COL16A1: variants seen among roughly 807,000 people sequenced by gnomAD.
COL16A1 encodes collagen type XVI alpha 1 chain, also known as collagen alpha-1(XVI) chain.
A neutral mutation model predicts 266.3 loss-of-function variants in COL16A1; 189 were observed. The observed-to-expected ratio is 0.71, with a 90% confidence interval of 0.63 to 0.80. COL16A1 has a LOEUF of 0.80. Ranked by LOEUF, COL16A1 falls within the 30% of genes least tolerant of loss-of-function variation. The pLI is 0.00. For missense variants in COL16A1, 1,928 were observed against 2,122.4 expected (o/e 0.91, Z 1.80); for synonymous variants, 740 against 782.3 (o/e 0.95, Z 0.90).
chr1:31,661,358 G>C (rs367996656), intron 60 of COL16A1, 56 bp downstream of exon 60: 359 of 1,612,910 alleles, frequency 2.2e-4, no homozygotes, highest in Non-Finnish European at 3.0e-4. Flanking sequence ...TATGCCTGGG[G>C]GCAAGCCTTC....
intron 20 of COL16A1, among the ~76,000 whole-genome samples, chr1:31,690,932 T>C (rs1644233379): frequency 6.6e-6 from 1 of 152,176 alleles, no homozygotes; most frequent in Admixed American, 6.5e-5. Flanking sequence ...ACTTTGATCT[T>C]TACAACACTT....
chr1:31,680,160 G>C (rs1643521518), intron 39 of COL16A1, 59 bp from the exon 40 acceptor site: 2 of 1,580,806 alleles, frequency 1.3e-6, no homozygotes, highest in Non-Finnish European at 8.6e-7. Flanking sequence ...TCTTGAAATG[G>C]ACATCCGAGA....
At chr1:31,661,762 C>G in intron 58 of COL16A1, 58 bp from the exon 59 acceptor site, 1 of 1,548,422 alleles carries the variant, frequency 6.5e-7, no homozygotes, top group Non-Finnish European at 8.8e-7. Flanking sequence ...GTATCCAACT[C>G]ATACCTCTGT....
In COL16A1 at chr1:31,667,563, G is replaced by T; in HGVS notation, c.3357+12C>A. ...GCAGCCCTGCATCCAGCCCCACGCC[G>T]CTGGGACTCACCGGCTCTCCTTTCT... On this transcript the variant is annotated intron_variant, in intron 52 of 70. Coordinates refer to ENST00000373672, the MANE Select transcript of COL16A1 (RefSeq NM_001856.4). 3 of 1,587,932 alleles carry T rather than the reference G, an allele frequency of 1.9e-6. No homozygotes were observed. Among genetic ancestry groups the T allele is most frequent in the Non-Finnish European group, 2.6e-6 (3 of 1,167,776 alleles).
intron 26 of COL16A1, among the ~76,000 whole-genome samples, chr1:31,687,659 G>A (rs977356763): frequency 2.0e-5 from 3 of 151,876 alleles, no homozygotes; most frequent in Non-Finnish European, 4.4e-5. Context: ...TGAAGGATCT[G>A]AGGACGACCG....
chr1:31,655,519 T>A lies in COL16A1; in HGVS notation c.4102-17A>T, dbSNP rs373397374. The stretch of plus-strand genomic sequence containing the variant: ...TGGATCACCCTACAAAGATAGATAC[T>A]TAGTGCTGTCAAATTTACATCATGA... On this transcript the variant is annotated splice_polypyrimidine_tract_variant and intron_variant, in intron 66 of 70. Coordinates refer to ENST00000373672, the MANE Select transcript of COL16A1 (RefSeq NM_001856.4). 4 of 1,611,926 alleles carry A rather than the reference T, an allele frequency of 2.5e-6. No individual in the cohort carries two copies. Among genetic ancestry groups the A allele is most frequent in the Non-Finnish European group, 3.4e-6 (4 of 1,178,810 alleles).
intron 42 of COL16A1, among the ~76,000 whole-genome samples, chr1:31,676,701 C>T (rs1241998393): frequency 6.6e-6 from 1 of 152,328 alleles, no homozygotes; most frequent in East Asian, 1.9e-4. Context: ...ACAATGTTCC[C>T]CTTGCAGATT....
Position 31,661,442 on chromosome 1 carries a change from G to GT in COL16A1, c.3742dup (p.Thr1248AsnfsTer10). The stretch of plus-strand genomic sequence containing the variant: ...AGGTCCTGGGAGGCCAGGATGTCCT[G>GT]TTTTCCCCTTAAAGCCCTGAAAGAA... On this transcript the variant is annotated frameshift_variant, in exon 60 of 71. Transcript: ENST00000373672. LOFTEE classifies it high-confidence loss of function. The GT allele has an allele frequency of 6.2e-7, 1 of 1,614,132 alleles. No individual in the cohort carries two copies. The highest frequency in any genetic ancestry group is 8.5e-7 in the Non-Finnish European group (1 of 1,180,024).
chr1:31,692,043 C>T lies in COL16A1; in HGVS notation c.1219G>A (p.Gly407Arg), dbSNP rs200545130. The change falls in exon 17 of 71, where the codon GGA (glycine) becomes AGA (arginine). Residue 407 changes from glycine to arginine, a missense_variant. Coordinates refer to ENST00000373672, the MANE Select transcript of COL16A1 (RefSeq NM_001856.4). ...TTTCCCGGCACGCCCTTGATGCCTC[C>T]GTCGCCCTTCTCGCCTTTCTGGCCC... Reference protein sequence around the residue: ...EKGQKGEKGDGGIKGVPGKPG... With the variant: ...EKGQKGEKGDRGIKGVPGKPG... The T allele has an allele frequency of 2.0e-5, 32 of 1,613,866 alleles. No homozygotes were observed. The highest frequency in any genetic ancestry group is 1.2e-4 in the South Asian group (11 of 91,080).
chr1:31,672,420 T>G lies in COL16A1; in HGVS notation c.3101A>C (p.Glu1034Ala). ...GPPGLPGQRGEEGPPGMRGSP... is the reference protein window; with the variant it reads ...GPPGLPGQRGAEGPPGMRGSP... ...AATCCCCATCCCTGGTCTTACCTCTTCTCCTCTCTGGCCTGGCAATCCCGG... is the reference window on the plus strand; with the variant it reads ...AATCCCCATCCCTGGTCTTACCTCTGCTCCTCTCTGGCCTGGCAATCCCGG... The change falls in exon 47 of 71, where the codon GAA becomes GCA. Residue 1034 changes from glutamate (E) to alanine (A), a missense_variant. By Grantham distance (107) the Glu-to-Ala change is moderately radical. Around this residue, in one of 2 missense-constraint regions of COL16A1, gnomAD observed 1,552 missense variants for 1,637.2 expected, o/e 0.95. Coordinates refer to ENST00000373672, the MANE Select transcript of COL16A1 (RefSeq NM_001856.4). 6.2e-7 allele frequency: 1 copy of G among 1,614,022 alleles called. No homozygotes were observed. Among genetic ancestry groups the G allele is most frequent in the Non-Finnish European group, 8.5e-7 (1 of 1,179,970 alleles).
chr1:31,701,317 G>A, intron 2 of COL16A1: 1 of 985,380 alleles, frequency 1.0e-6, no homozygotes, highest in Non-Finnish European at 1.2e-6. Context: ...AGGGAGAGGA[G>A]AGCAAAGCTC....
At chr1:31,655,916 C>T (rs563885609) in intron 66 of COL16A1, 4 of 287,078 alleles carry the variant, frequency 1.4e-5, no homozygotes, top group African/African-American at 9.0e-5. Flanking sequence ...TCCAGTGCAC[C>T]CCTCCTGAGC....
intron 37 of COL16A1, among the ~76,000 whole-genome samples, 159 bp from the exon 38 acceptor site, chr1:31,681,226 G>A (rs1230759683): frequency 1.3e-5 from 2 of 152,236 alleles, no homozygotes; most frequent in Non-Finnish European, 1.5e-5. Flanking sequence ...CTGAGGTGCC[G>A]GACAAGGAAG....
rs1644584685 is a variant in COL16A1, at chr1:31,698,264, G to C, written c.391-92C>G. 1.3e-6 allele frequency: 2 copies of C among 1,554,092 alleles called. No homozygotes were observed. Among genetic ancestry groups the C allele is most frequent in the African/African-American group, 2.7e-5 (2 of 72,852 alleles). On this transcript the variant is annotated intron_variant, in intron 5 of 70. Coordinates refer to ENST00000373672, the MANE Select transcript of COL16A1 (RefSeq NM_001856.4). The surrounding 1 kb of genome is among the most constrained non-coding windows in gnomAD (Gnocchi z 4.1). ...CAGGGACCTTGAACTCATTTCACAG[G>C]AGGGGAACTGAGGCCCAGAAAGAGA... is the stretch of plus-strand genomic sequence containing the variant.
Position 31,652,301 on chromosome 1 carries a change from A to AT in COL16A1, c.*349dup, listed in dbSNP as rs1557595825. ...TTTTATTTTTCGGAGACTGAGTCTC[A>AT]TTATGTTGCTTAGACTGGTCTCAAA... is the stretch of plus-strand genomic sequence containing the variant. On this transcript the variant is annotated 3_prime_UTR_variant, in exon 71 of 71. Coordinates refer to ENST00000373672, the MANE Select transcript of COL16A1 (RefSeq NM_001856.4). The surrounding 1 kb of genome is among the most constrained non-coding windows in gnomAD (Gnocchi z 4.8). 1 of 162,770 alleles carries AT rather than the reference A, an allele frequency of 6.1e-6. No homozygotes were observed. Among genetic ancestry groups the AT allele is most frequent in the African/African-American group, 2.4e-5 (1 of 41,808 alleles). The allele number at this position is 162,770 out of a possible 1,614,324, so 10.1% of individuals were successfully genotyped here. A position where few individuals can be genotyped will look rare whatever the true frequency, so the allele number is the denominator to read the frequency against.
chr1:31,697,401 C>G lies in COL16A1; in HGVS notation c.658-101G>C. ...AGATGTCTCTGCCCCAGGATGTGACCTCAGGGTGTTTCCAGTCTGGCCTGG... is the reference window on the plus strand; with the variant it reads ...AGATGTCTCTGCCCCAGGATGTGACGTCAGGGTGTTTCCAGTCTGGCCTGG... On this transcript the variant is annotated intron_variant, in intron 6 of 70. Coordinates refer to ENST00000373672, the MANE Select transcript of COL16A1 (RefSeq NM_001856.4). This position sits in a 1 kb window ranked among gnomAD's most constrained non-coding sequence, Gnocchi z 4.2. 2 of 1,219,144 alleles carry G rather than the reference C, an allele frequency of 1.6e-6. No individual in the cohort carries two copies. Among genetic ancestry groups the G allele is most frequent in the Non-Finnish European group, 2.3e-6 (2 of 873,214 alleles). The allele number at this position is 1,219,144 out of a possible 1,614,324, so 75.5% of individuals were successfully genotyped here.
chr1:31,702,835 C>T (rs909000), intron 1 of COL16A1, among the ~76,000 whole-genome samples: 6,812 of 152,172 alleles, frequency 0.045, 488 homozygotes, highest in African/African-American at 0.16. Context: ...GGCAGGAGAG[C>T]AGGTCTCTAG....
intron 49 of COL16A1, among the ~76,000 whole-genome samples, chr1:31,669,404 T>C (rs1350987282): frequency 6.6e-6 from 1 of 151,958 alleles, no homozygotes; most frequent in Non-Finnish European, 1.5e-5. Context: ...CCTGTCACTT[T>C]GTAGGGTGAG....
At chr1:31,689,263 G>T in intron 23 of COL16A1, 178 bp from the exon 24 acceptor site, 1 of 1,016,394 alleles carries the variant, frequency 9.8e-7, no homozygotes, top group Admixed American at 2.8e-5. Flanking sequence ...TAACAAGCAG[G>T]AGCGTGGCGG....
Sources: gnomAD v4.1 joint callset for allele counts (sites outside exome capture counted in the v4.1 genomes callset) on GRCh38, gnomAD v4.1.1 for gene constraint, gnomAD v4.1.1 regional missense constraint, Gnocchi (gnomAD v3.1) non-coding constraint, MANE v1.5 for transcripts, NCBI Gene and HGNC (gene_info 2026-07-23, HGNC 2026-07-21) for gene names.